The following DSCAML1 variants were observed in gnomAD, a reference collection of about 807,000 sequenced individuals.
DSCAML1 encodes cell adhesion molecule DSCAML1.
DSCAML1 carries 38 observed loss-of-function variants against 200.5 expected under a neutral mutation model. The ratio of observed to expected loss-of-function variants is 0.19; its 90% confidence interval spans 0.15 to 0.25. The LOEUF (loss-of-function observed/expected upper bound fraction) is 0.25. Ranked by LOEUF, DSCAML1 falls within the 10% of genes least tolerant of loss-of-function variation. The probability of loss-of-function intolerance (pLI) is 1.00; values close to 1 mark genes in which losing one functional copy is unlikely to be tolerated. For synonymous variants in DSCAML1, 1,215 were observed against 1,165.0 expected (o/e 1.04, Z -0.87); for missense variants, 2,223 against 2,858.8 (o/e 0.78, Z 5.07).
intron 3 of DSCAML1, among the ~76,000 whole-genome samples, chr11:117,668,014 C>G (rs117547958): frequency 6.6e-6 from 1 of 152,218 alleles, no homozygotes; most frequent in Non-Finnish European, 1.5e-5. Context: ...AAACACCATT[C>G]GCATTATTAT....
chr11:117,780,764 G>C lies in DSCAML1; in HGVS notation c.93C>G (p.Ser31=). ...AGCTGGAAAAGGTCACCTGCTGCAAGGAGTCATTTACAAAGTAGAGGCTGG... is the reference window on the plus strand; with the variant it reads ...AGCTGGAAAAGGTCACCTGCTGCAACGAGTCATTTACAAAGTAGAGGCTGG... The part of the protein sequence containing the change: ...VGTSLYFVND[S]LQQVTFSSSV... The change falls in exon 2 of 33, where the codon TCC becomes TCG. Residue 31 remains serine, a synonymous_variant. Coordinates refer to ENST00000651296, the MANE Select transcript of DSCAML1 (RefSeq NM_020693.4). This position sits in a 1 kb window ranked among gnomAD's most constrained non-coding sequence, Gnocchi z 4.8. 6.6e-7 allele frequency: 1 copy of C among 1,521,426 alleles called. No individual in the cohort carries two copies. The highest frequency in any genetic ancestry group is 1.4e-5 in the African/African-American group (1 of 71,608). 94.2% of individuals were successfully genotyped at this position (1,521,426 alleles called of 1,614,324 possible). A position where few individuals can be genotyped will look rare whatever the true frequency, so the allele number is the denominator to read the frequency against.
rs371532422 is a variant in DSCAML1, at chr11:117,532,452, G to T, written c.582C>A (p.Ser194=). The T allele has an allele frequency of 2.0e-5, 33 of 1,614,054 alleles. No homozygotes were observed. In the African/African-American group the frequency reaches 3.2e-4, roughly 16 times the overall value. Reference sequence around the variant, plus strand: ...TGTGCTTGGTGATGCAGCGATAGGTGGAGAGGGCGTCCTCCTTCTGTACGT... The same window carrying T: ...TGTGCTTGGTGATGCAGCGATAGGTTGAGAGGGCGTCCTCCTTCTGTACGT... ...ISDVQKEDAL[S]TYRCITKHKY... is the part of the protein sequence containing the mutation. The change falls in exon 4 of 33, where the codon TCC becomes TCA. Residue 194 remains serine, a synonymous_variant. Coordinates refer to ENST00000651296, the MANE Select transcript of DSCAML1 (RefSeq NM_020693.4).
At chr11:117,734,157 A>C (rs560721629) in intron 3 of DSCAML1, among the ~76,000 whole-genome samples, 1 of 152,338 alleles carries the variant, frequency 6.6e-6, no homozygotes, top group Admixed American at 6.5e-5. Context: ...TGTCCGGGGA[A>C]GTCACCTCTT....
chr11:117,504,121 G>T lies in DSCAML1; in HGVS notation c.2183-100C>A. 2 of 1,402,656 alleles carry T rather than the reference G, an allele frequency of 1.4e-6. No homozygotes were observed. The highest frequency in any genetic ancestry group is 9.8e-7 in the Non-Finnish European group (1 of 1,021,900). 86.9% of individuals were successfully genotyped at this position (1,402,656 alleles called of 1,614,324 possible). A position where few individuals can be genotyped will look rare whatever the true frequency, so the allele number is the denominator to read the frequency against. ...GACACCTCGCTCTTGCAGATCTAGGGCCATTTTGTAGCAGAGCTGCACCAT... is the reference window on the plus strand; with the variant it reads ...GACACCTCGCTCTTGCAGATCTAGGTCCATTTTGTAGCAGAGCTGCACCAT... On this transcript the variant is annotated intron_variant, in intron 10 of 32. Coordinates refer to ENST00000651296, the MANE Select transcript of DSCAML1 (RefSeq NM_020693.4). The surrounding 1 kb of genome is among the most constrained non-coding windows in gnomAD (Gnocchi z 5.0).
At chr11:117,707,076 G>A (rs2053770565) in intron 3 of DSCAML1, among the ~76,000 whole-genome samples, 4 of 152,176 alleles carry the variant, frequency 2.6e-5, no homozygotes, top group Admixed American at 2.0e-4. Flanking sequence ...CTGAGCTTCC[G>A]ATGGCAAAGG....
chr11:117,753,226 T>C (rs1330781709), intron 3 of DSCAML1, among the ~76,000 whole-genome samples: 1 of 152,198 alleles, frequency 6.6e-6, no homozygotes, highest in African/African-American at 2.4e-5. Context: ...ATAAAGAAAG[T>C]GCATTGAGTA....
chr11:117,442,484 T>C (rs1030991145), intron 21 of DSCAML1, among the ~76,000 whole-genome samples: 1 of 152,020 alleles, frequency 6.6e-6, no homozygotes, highest in African/African-American at 2.4e-5. Flanking sequence ...TGTTTGTGCG[T>C]GTGCACATGT....
chr11:117,756,500 T>G (rs527627051), intron 3 of DSCAML1, among the ~76,000 whole-genome samples: 1 of 152,172 alleles, frequency 6.6e-6, no homozygotes, highest in Non-Finnish European at 1.5e-5. Flanking sequence ...TCCTGCGAGC[T>G]TGCAGACATC....
intron 1 of DSCAML1, among the ~76,000 whole-genome samples, chr11:117,788,449 C>G (rs2055402724): frequency 6.6e-6 from 1 of 152,178 alleles, no homozygotes; most frequent in African/African-American, 2.4e-5. Context: ...GCCTCAGTCT[C>G]CTGAGTAGCT....
At position 117,631,122 on chromosome 11, in the gene DSCAML1, G is replaced by A. The variant is rs71480345; in HGVS notation, c.512-98600C>T. Among the ~76,000 whole-genome samples, 341 of 152,328 alleles carry A rather than the reference G, an allele frequency of 2.2e-3. 1 individual carries two copies. The highest frequency in any genetic ancestry group is 4.3e-3 in the Non-Finnish European group (295 of 68,028). The stretch of plus-strand genomic sequence containing the variant: ...TGAAAGGGAAGAAAGTCACCCTCAG[G>A]AAATAGAAAGGGGCCTCTGGAGAAA... On this transcript the variant is annotated intron_variant, in intron 3 of 32. Coordinates refer to ENST00000651296, the MANE Select transcript of DSCAML1 (RefSeq NM_020693.4).
chr11:117,691,263 G>A (rs934604864), intron 3 of DSCAML1, among the ~76,000 whole-genome samples: 84 of 152,206 alleles, frequency 5.5e-4, no homozygotes, highest in African/African-American at 1.9e-3. Flanking sequence ...AAACACAAGG[G>A]GCAGGGAGGG....
intron 3 of DSCAML1, among the ~76,000 whole-genome samples, chr11:117,537,215 T>A (rs1591236093): frequency 6.6e-6 from 1 of 152,222 alleles, no homozygotes; most frequent in East Asian, 1.9e-4. Flanking sequence ...GGAGCATTCA[T>A]CCATCCAGCT....
At chr11:117,689,059 A>C (rs188004581) in intron 3 of DSCAML1, among the ~76,000 whole-genome samples, 41 of 152,166 alleles carry the variant, frequency 2.7e-4, no homozygotes, top group African/African-American at 9.6e-4. Flanking sequence ...TCCTCCCCTC[A>C]TCTTCCCAGG....
intron 3 of DSCAML1, among the ~76,000 whole-genome samples, chr11:117,534,969 C>T (rs1203171146): frequency 1.3e-5 from 2 of 152,114 alleles, no homozygotes; most frequent in African/African-American, 2.4e-5. Flanking sequence ...TCTGAATGAA[C>T]TTTGGTTTAT....
Position 117,491,176 on chromosome 11 carries a change from A to C in DSCAML1, c.2360-9014T>G, listed in dbSNP as rs143985366. On this transcript the variant is annotated intron_variant, in intron 11 of 32. Transcript: ENST00000651296. ...GAGGCTGCTAAAATGCAACAGAGGC[A>C]TGGAATGTTGAACTCCAAAAGGAAG... Among the ~76,000 whole-genome samples the C allele has an allele frequency of 2.6e-5, 4 of 152,328 alleles. No individual in the cohort carries two copies. The East Asian group carries it at 7.7e-4, about 29-fold the overall frequency.
intron 3 of DSCAML1, among the ~76,000 whole-genome samples, chr11:117,545,226 T>TAA (rs369727751): frequency 0.03 from 4,059 of 135,866 alleles, 241 homozygotes; most frequent in African/African-American, 0.11. Flanking sequence ...CAAGATTCCG[T>TAA]AAAAAAAAAC....
chr11:117,486,319 A>AATGGCGGAT (rs2049056721), intron 11 of DSCAML1, among the ~76,000 whole-genome samples: 2 of 151,668 alleles, frequency 1.3e-5, no homozygotes, highest in South Asian at 2.1e-4. Context: ...TGGATGTGAA[A>AATGGCGGAT]GTAGCGGATG....
chr11:117,796,925 C>T (rs1261769705), intron 1 of DSCAML1, 109 bp downstream of exon 1: 2 of 783,224 alleles, frequency 2.6e-6, no homozygotes, highest in Non-Finnish European at 3.5e-6. Context: ...CCTTGCACCC[C>T]GGTCGGTTCC....
intron 14 of DSCAML1, among the ~76,000 whole-genome samples, chr11:117,475,437 T>C (rs1466133791): frequency 6.6e-6 from 1 of 152,132 alleles, no homozygotes; most frequent in African/African-American, 2.4e-5. Flanking sequence ...AGCCTTATCT[T>C]TCTCTATTCT....
Sources: gnomAD v4.1 joint callset for allele counts (sites outside exome capture counted in the v4.1 genomes callset) on GRCh38, gnomAD v4.1.1 for gene constraint, Gnocchi (gnomAD v3.1) non-coding constraint, MANE v1.5 for transcripts, NCBI Gene and HGNC (gene_info 2026-07-23, HGNC 2026-07-21) for gene names.